Variants in DSCAM observed in about 807,000 individuals in gnomAD.
DSCAM encodes the protein DS cell adhesion molecule.
Under a neutral mutation model 217.7 loss-of-function variants are expected in DSCAM, and 47 were observed. The ratio of observed to expected loss-of-function variants is 0.22; its 90% CI spans 0.17 to 0.28. The LOEUF (loss-of-function observed/expected upper bound fraction) is 0.28, where lower values mean the gene tolerates loss of function less well. DSCAM is among the 10% of genes least tolerant of loss of function. The pLI, the probability that DSCAM is intolerant of heterozygous loss-of-function variation, is 1.00. For missense variants in DSCAM, 2,080 were observed against 2,618.3 expected (o/e 0.79, Z 4.49); for synonymous variants, 1,056 against 1,015.3 (o/e 1.04, Z -0.76).
intron 3 of DSCAM, among the ~76,000 whole-genome samples, chr21:40,685,937 A>T (rs1568984722): frequency 1.3e-5 from 1 of 74,926 alleles, no homozygotes; most frequent in Non-Finnish European, 3.1e-5. Flanking sequence ...TGAGGCAAAC[A>T]AAAACAAAAA....
At chr21:40,710,250 T>C (rs2090765000) in intron 1 of DSCAM, among the ~76,000 whole-genome samples, 1 of 151,414 alleles carries the variant, frequency 6.6e-6, no homozygotes, top group Admixed American at 6.6e-5. Context: ...TATCAGAAAA[T>C]ACAATGTCAA....
At chr21:40,769,774 ACTAT>A (rs1439205834) in intron 1 of DSCAM, among the ~76,000 whole-genome samples, 2 of 152,094 alleles carry the variant, frequency 1.3e-5, no homozygotes, top group Non-Finnish European at 2.9e-5. Flanking sequence ...GATCACCCTA[ACTAT>A]CTGATCAGGT....
chr21:40,603,165 G>A lies in DSCAM; in HGVS notation c.508+89645C>T, dbSNP rs898209376. Among the ~76,000 whole-genome samples, 37 of 152,128 alleles carry A rather than the reference G, an allele frequency of 2.4e-4. 1 individual carries two copies. Among genetic ancestry groups the A allele is most frequent in the African/African-American group, 7.7e-4 (32 of 41,512 alleles). The stretch of plus-strand genomic sequence containing the variant: ...TGTTATTAAATTTAATTCCATTGAA[G>A]TTTAATTTCATTATAATCAAGACCA... On this transcript the variant is annotated intron_variant, in intron 3 of 32. Transcript: ENST00000400454.
At chr21:40,610,481 G>A (rs999819053) in intron 3 of DSCAM, among the ~76,000 whole-genome samples, 16 of 152,206 alleles carry the variant, frequency 1.1e-4, no homozygotes, top group African/African-American at 3.4e-4. Flanking sequence ...AGTAGAAGCG[G>A]CTTCCAGCTT....
chr21:40,148,893 C>T (rs563053097), intron 16 of DSCAM, among the ~76,000 whole-genome samples: 1 of 152,278 alleles, frequency 6.6e-6, no homozygotes, highest in Admixed American at 6.5e-5. Flanking sequence ...ACCTCTATCA[C>T]TTCTTCCAAC....
intron 3 of DSCAM, among the ~76,000 whole-genome samples, chr21:40,602,276 G>A (rs911351449): frequency 6.6e-6 from 1 of 152,042 alleles, no homozygotes; most frequent in African/African-American, 2.4e-5. Context: ...GCCCAGGCTG[G>A]TCTGGAAATC....
intron 4 of DSCAM, among the ~76,000 whole-genome samples, chr21:40,357,525 C>G (rs1337509720): frequency 6.6e-6 from 1 of 152,136 alleles, no homozygotes; most frequent in African/African-American, 2.4e-5. Flanking sequence ...TTTTTAATTC[C>G]TAGTACACTA....
chr21:40,820,969 C>A (rs1416110759), intron 1 of DSCAM, among the ~76,000 whole-genome samples: 2 of 151,410 alleles, frequency 1.3e-5, no homozygotes, highest in Admixed American at 6.6e-5. Flanking sequence ...TGTACCCAAA[C>A]CAGATATCCA....
At chr21:40,028,832 G>A (rs183970570) in intron 32 of DSCAM, among the ~76,000 whole-genome samples, 2 of 152,184 alleles carry the variant, frequency 1.3e-5, no homozygotes, top group Non-Finnish European at 2.9e-5. Context: ...GACCGGAGCT[G>A]TTCCTATTCG....
intron 11 of DSCAM, among the ~76,000 whole-genome samples, chr21:40,263,744 T>C (rs1050027613): frequency 1.3e-5 from 2 of 151,650 alleles, no homozygotes; most frequent in African/African-American, 4.8e-5. Flanking sequence ...AAAAAAATTA[T>C]AAAAGATCAA....
rs1228281932 is a variant in DSCAM at position 40,080,206 on chromosome 21, C to T, written c.4366G>A (p.Gly1456Arg). The change falls in exon 25 of 33, where the codon GGA becomes AGA. Residue 1456 changes from glycine to arginine, a missense_variant. Physicochemically the swap from Gly to Arg is moderately radical, Grantham distance 125 (BLOSUM62 -2). Coordinates refer to ENST00000400454, the MANE Select transcript of DSCAM (RefSeq NM_001389.5). ...TCACTTATGCGCCCTGGGCCCACTC[C>T]ATTTTGGGCTGTCAGTGTGAACTTA... ...WYKFTLTAQNGVGPGRISEII... is the reference protein window; with the variant it reads ...WYKFTLTAQNRVGPGRISEII... The T allele has an allele frequency of 6.2e-7, 1 of 1,611,622 alleles. No individual in the cohort carries two copies. Among genetic ancestry groups the T allele is most frequent in the East Asian group, 2.2e-5 (1 of 44,666 alleles).
chr21:40,498,668 C>CATATATATATATAT, intron 3 of DSCAM, among the ~76,000 whole-genome samples: 1 of 28,536 alleles, frequency 3.5e-5, no homozygotes, highest in East Asian at 1.1e-3. Context: ...TATATATACC[C>CATATATATATATAT]ATATATATAT....
At chr21:40,172,915 A>T (rs2090675043) in intron 15 of DSCAM, among the ~76,000 whole-genome samples, 1 of 152,266 alleles carries the variant, frequency 6.6e-6, no homozygotes, top group Non-Finnish European at 1.5e-5. Flanking sequence ...TGTGTTGGAC[A>T]AAGGGAACCA....
At chr21:40,518,254 G>C (rs2076319303) in intron 3 of DSCAM, among the ~76,000 whole-genome samples, 1 of 138,176 alleles carries the variant, frequency 7.2e-6, no homozygotes, top group South Asian at 2.2e-4. Context: ...GATGCGTCCT[G>C]TCTTGCTGGG....
rs1028945866 is a variant in DSCAM, at chr21:40,039,098, A to C, written c.5686+3273T>G. 2.9e-4 allele frequency among the ~76,000 whole-genome samples: 44 copies of C among 151,968 alleles called. 1 individual carries two copies. The highest frequency in any genetic ancestry group is 1.8e-3 in the Admixed American group (28 of 15,244). On this transcript the variant is annotated intron_variant, in intron 32 of 32. Coordinates refer to ENST00000400454, the MANE Select transcript of DSCAM (RefSeq NM_001389.5). ...CCAGTTAGTGGGTGCAGCGCACCAGAATGGCACATGTATACATATGTAACT... is the reference window on the plus strand; with the variant it reads ...CCAGTTAGTGGGTGCAGCGCACCAGCATGGCACATGTATACATATGTAACT...
chr21:40,707,502 G>C (rs1262317421), intron 2 of DSCAM, among the ~76,000 whole-genome samples: 1 of 152,168 alleles, frequency 6.6e-6, no homozygotes, highest in Non-Finnish European at 1.5e-5. Context: ...ACATCAAAGA[G>C]ATCATATGCA....
At position 40,261,652 on chromosome 21, in the gene DSCAM, TACACACACACAC is replaced by T. The variant is rs71186922; in HGVS notation, c.2356+14433_2356+14444del. Among the ~76,000 whole-genome samples the T allele has an allele frequency of 5.2e-3, 688 of 133,514 alleles. 2 individuals carry two copies. Among genetic ancestry groups the T allele is most frequent in the Non-Finnish European group, 8.4e-3 (550 of 65,114 alleles). The allele number at this position is 133,514 out of a possible 152,430, so 87.6% of individuals were successfully genotyped here. ...AATAAACTTATTCTCTCTCTCTCTCTACACACACACACACACACACACACACACACACACATT... is the reference window on the plus strand; with the variant it reads ...AATAAACTTATTCTCTCTCTCTCTCTACACACACACACACACACACACATT... On this transcript the variant is annotated intron_variant, in intron 11 of 32. Coordinates refer to ENST00000400454, the MANE Select transcript of DSCAM (RefSeq NM_001389.5).
chr21:40,099,748 T>C (rs2089726471), intron 20 of DSCAM, among the ~76,000 whole-genome samples: 1 of 152,238 alleles, frequency 6.6e-6, no homozygotes. Context: ...CAGGACTTGC[T>C]GGTTCTCATG....
At chr21:40,818,473 G>A (rs2091901027) in intron 1 of DSCAM, among the ~76,000 whole-genome samples, 2 of 148,228 alleles carry the variant, frequency 1.3e-5, no homozygotes, top group South Asian at 2.1e-4. Flanking sequence ...CTGAACCCGG[G>A]AGGTGGAGCT....
Sources: gnomAD v4.1 joint callset for allele counts (sites outside exome capture counted in the v4.1 genomes callset) on GRCh38, gnomAD v4.1.1 for gene constraint, MANE v1.5 for transcripts, NCBI Gene and HGNC (gene_info 2026-07-23, HGNC 2026-07-21) for gene names.